MOV10L1: variants seen among roughly 807,000 people sequenced by gnomAD.
MOV10L1 encodes the protein Mov10 like RNA helicase 1.
Under a neutral mutation model 143.8 loss-of-function variants are expected in MOV10L1, and 110 were observed. The observed-to-expected ratio is 0.76, with a 90% CI of 0.66 to 0.90. MOV10L1 has a LOEUF of 0.90. Ranked by LOEUF, MOV10L1 falls within the 40% of genes least tolerant of loss-of-function variation. MOV10L1 has a pLI of 0.00. For missense variants in MOV10L1, 1,406 were observed against 1,526.8 expected (o/e 0.92, Z 1.32); for synonymous variants, 593 against 581.1 (o/e 1.02, Z -0.29).
chr22:50,151,000 T>A, intron 21 of MOV10L1, 101 bp downstream of exon 21: 1 of 1,471,942 alleles, frequency 6.8e-7, no homozygotes, highest in Non-Finnish European at 9.2e-7. Context: ...GTCATCTCCA[T>A]CCGTGGGCAG....
At position 50,153,098 on chromosome 22, in the gene MOV10L1, C is replaced by G. The variant is rs1339048468; in HGVS notation, c.2946C>G (p.Pro982=). 2.5e-6 allele frequency: 4 copies of G among 1,613,630 alleles called. No homozygotes were observed. Among genetic ancestry groups the G allele is most frequent in the Non-Finnish European group, 3.4e-6 (4 of 1,179,522 alleles). ...YRSHEALLML[P]SRLFYHRELE... The stretch of plus-strand genomic sequence containing the variant: ...CCCACGAGGCCCTGCTGATGCTGCC[C>G]TCACGGCTGTTCTACCACAGGGAAC... Residue 982 remains proline, a synonymous_variant, in exon 22 of 27, where the codon CCC becomes CCG. Transcript: ENST00000262794.
chr22:50,113,657 C>A lies in MOV10L1; in HGVS notation c.753C>A (p.Ala251=). The change falls in exon 6 of 27, where the codon GCC becomes GCA. Residue 251 remains alanine (A), a synonymous_variant. Transcript: ENST00000262794. ...CMTLVKRRDA[A]PVHEATHFYG... The stretch of plus-strand genomic sequence containing the variant: ...GGGGCTCTTTTTTCAGAGACGCCGC[C>A]CCTGTTCATGAGGCCACTCATTTCT... 2.5e-6 allele frequency: 4 copies of A among 1,613,600 alleles called. No homozygotes were observed. The highest frequency in any genetic ancestry group is 3.4e-6 in the Non-Finnish European group (4 of 1,179,862).
At chr22:50,149,939 C>G (rs1233463511) in intron 20 of MOV10L1, among the ~76,000 whole-genome samples, 2 of 152,190 alleles carry the variant, frequency 1.3e-5, no homozygotes, top group Non-Finnish European at 2.9e-5. Flanking sequence ...AAGAGCCATT[C>G]TAGGTGTTGG....
rs117372572 is a variant in MOV10L1 at position 50,150,629 on chromosome 22, G to A, written c.2728-106G>A. 9.3e-4 allele frequency: 1,207 copies of A among 1,296,204 alleles called. 2 individuals carry two copies. The highest frequency in any genetic ancestry group is 1.2e-3 in the Non-Finnish European group (1,147 of 941,234). 80.3% of individuals were successfully genotyped at this position (1,296,204 alleles called of 1,614,324 possible). Reference sequence around the variant, plus strand: ...TCCCTCCCGTCGTCCCCTGCAGCAAGAGTGAGCATGGGGCCATCCTGCGCA... The same window carrying A: ...TCCCTCCCGTCGTCCCCTGCAGCAAAAGTGAGCATGGGGCCATCCTGCGCA... On this transcript the variant is annotated intron_variant, in intron 20 of 26. Transcript: ENST00000262794.
chr22:50,143,377 A>C lies in MOV10L1; in HGVS notation c.2358+156A>C, dbSNP rs1429309614. The C allele has an allele frequency of 5.9e-6, 5 of 843,076 alleles. No homozygotes were observed. The Admixed American group carries it at 1.1e-4, about 18-fold the overall frequency. 52.2% of individuals were successfully genotyped at this position (843,076 alleles called of 1,614,324 possible). ...CATAATGTTAAGTCTGTTTTTGTGG[A>C]TATGTAGGGATTTAAAAGCTTATTT... On this transcript the variant is annotated intron_variant, in intron 17 of 26. Transcript: ENST00000262794.
intron 3 of MOV10L1, among the ~76,000 whole-genome samples, chr22:50,102,630 A>G (rs999231085): frequency 6.6e-6 from 1 of 152,208 alleles, no homozygotes; most frequent in Admixed American, 6.5e-5. Context: ...GGCCTGGCAC[A>G]GTGGCTCACA....
chr22:50,139,770 A>G (rs1687171063), intron 15 of MOV10L1, among the ~76,000 whole-genome samples: 1 of 152,232 alleles, frequency 6.6e-6, no homozygotes, highest in African/African-American at 2.4e-5. Flanking sequence ...GATGTTCAAC[A>G]TCATTAGTTG....
intron 15 of MOV10L1, among the ~76,000 whole-genome samples, chr22:50,138,208 T>C (rs1047742181): frequency 1.7e-4 from 26 of 152,298 alleles, no homozygotes; most frequent in African/African-American, 6.0e-4. Flanking sequence ...TCCTCAGCAT[T>C]TCTGCCCAGC....
chr22:50,143,292 G>A, intron 17 of MOV10L1, 71 bp downstream of exon 17: 1 of 1,503,806 alleles, frequency 6.6e-7, no homozygotes, highest in Non-Finnish European at 9.2e-7. Context: ...TCTTCAGGAA[G>A]TGTGAGTTTA....
rs1356079208 is a variant in MOV10L1 at position 50,159,763 on chromosome 22, A to G, written c.3302A>G (p.Tyr1101Cys). Residue 1101 changes from tyrosine (Y) to cysteine (C), a missense_variant, in exon 24 of 27, where the codon TAT becomes TGT. Physicochemically the swap from Tyr to Cys is radical, Grantham distance 194 (BLOSUM62 -2). Around this residue, in one of 3 missense-constraint regions of MOV10L1, gnomAD observed 1,233 missense variants for 1,351.4 expected, o/e 0.91. Coordinates refer to ENST00000262794, the MANE Select transcript of MOV10L1 (RefSeq NM_018995.3). The surrounding 1 kb of genome is among the most constrained non-coding windows in gnomAD (Gnocchi z 4.1). ...GTAGAGGAGTTTCAAGGACAAGAGT[A>G]TCTGGTCATCATCATTTCGACCGTA... ...GSVEEFQGQEYLVIIISTVRS... is the reference protein window; with the variant it reads ...GSVEEFQGQECLVIIISTVRS... 3 of 1,611,634 alleles carry G rather than the reference A, an allele frequency of 1.9e-6. No homozygotes were observed. The highest frequency in any genetic ancestry group is 3.3e-5 in the Admixed American group (2 of 59,942).
chr22:50,090,054 G>T lies in MOV10L1; in HGVS notation c.-35G>T. ...GCGCGGGCGCGTGCGGGCGGCGGCA[G>T]CGGCGGTGACGGCAGCCTAGGCCGG... On this transcript the variant is annotated 5_prime_UTR_variant, in exon 1 of 27. Transcript: ENST00000262794. 1.3e-6 allele frequency: 1 copy of T among 789,082 alleles called. No homozygotes were observed. 48.9% of individuals were successfully genotyped at this position (789,082 alleles called of 1,614,324 possible).
At chr22:50,149,571 A>G (rs750694434) in intron 19 of MOV10L1, 44 bp from the exon 20 acceptor site, 4 of 1,596,494 alleles carry the variant, frequency 2.5e-6, no homozygotes, top group Non-Finnish European at 3.4e-6. Flanking sequence ...TCAATTGCTA[A>G]AACAATTCGG....
rs1413107082 is a variant in MOV10L1 at position 50,158,003 on chromosome 22, C to T, written c.3067-54C>T. 7.0e-6 allele frequency: 11 copies of T among 1,567,148 alleles called. No homozygotes were observed. In the East Asian group the frequency reaches 2.5e-4, roughly 35 times the overall value. On this transcript the variant is annotated intron_variant, in intron 22 of 26. Transcript: ENST00000262794. This position sits in a 1 kb window ranked among gnomAD's most constrained non-coding sequence, Gnocchi z 5.0. Reference sequence around the variant, plus strand: ...ACCGACTTCAGCTCCTGGATTGTAGCCTTCTGGTGAATATTCATGAAGTAA... The same window carrying T: ...ACCGACTTCAGCTCCTGGATTGTAGTCTTCTGGTGAATATTCATGAAGTAA...
rs1369133702 is a variant in MOV10L1 at position 50,150,770 on chromosome 22, A to C, written c.2763A>C (p.Pro921=). 15 of 1,613,956 alleles carry C rather than the reference A, an allele frequency of 9.3e-6. No individual in the cohort carries two copies. The highest frequency in any genetic ancestry group is 1.3e-5 in the Non-Finnish European group (15 of 1,180,014). The stretch of plus-strand genomic sequence containing the variant: ...CAGGAGACCCCATGCAGCTCGGCCC[A>C]GTCATTAAGTCCAGACTCGCCATGG... ...VLAGDPMQLG[P]VIKSRLAMAY... Residue 921 remains proline, a synonymous_variant, in exon 21 of 27, where the codon CCA becomes CCC. Transcript: ENST00000262794.
intron 10 of MOV10L1, among the ~76,000 whole-genome samples, chr22:50,124,975 G>A (rs1388426079): frequency 6.6e-6 from 1 of 152,202 alleles, no homozygotes; most frequent in Non-Finnish European, 1.5e-5. Context: ...GTCTCTTTAA[G>A]TTTTTTTCAG....
chr22:50,121,063 G>T (rs2062327677), intron 10 of MOV10L1, among the ~76,000 whole-genome samples: 1 of 152,236 alleles, frequency 6.6e-6, no homozygotes, highest in Non-Finnish European at 1.5e-5. Context: ...TCTGAGTGGG[G>T]TAGGTGGAGA....
intron 10 of MOV10L1, among the ~76,000 whole-genome samples, chr22:50,122,453 T>C (rs1197231902): frequency 6.6e-6 from 1 of 152,228 alleles, no homozygotes; most frequent in Admixed American, 6.5e-5. Flanking sequence ...GTGGAATCTT[T>C]TAGAGTTTTC....
chr22:50,160,853 T>C (rs975912004), intron 25 of MOV10L1, 28 bp downstream of exon 25: 3 of 1,613,550 alleles, frequency 1.9e-6, no homozygotes, highest in African/African-American at 2.7e-5. Flanking sequence ...GGGTGGGCTG[T>C]GATCACTTAA....
intron 26 of MOV10L1, 74 bp downstream of exon 26, chr22:50,161,129 C>A: frequency 6.9e-7 from 1 of 1,449,772 alleles, no homozygotes; most frequent in South Asian, 1.1e-5. Flanking sequence ...CCCCTGCTCC[C>A]CTCACCCCCA....
Sources: gnomAD v4.1 joint callset for allele counts (sites outside exome capture counted in the v4.1 genomes callset) on GRCh38, gnomAD v4.1.1 for gene constraint, gnomAD v4.1.1 regional missense constraint, Gnocchi (gnomAD v3.1) non-coding constraint, MANE v1.5 for transcripts, NCBI Gene and HGNC (gene_info 2026-07-23, HGNC 2026-07-21) for gene names.